CASZ1: variants seen among roughly 807,000 people sequenced by gnomAD.
CASZ1 encodes zinc finger protein castor homolog 1.
CASZ1 carries 28 observed loss-of-function variants against 135.2 expected under a neutral mutation model. The ratio of observed to expected loss-of-function variants is 0.21; its 90% CI spans 0.15 to 0.28. The LOEUF is 0.28. Among genes scored for constraint, CASZ1 ranks in the 10% least tolerant of loss-of-function variants. CASZ1 has a pLI of 1.00. For missense variants in CASZ1, 2,161 were observed against 2,453.3 expected, an observed-to-expected ratio of 0.88 and a Z score of 2.52; for synonymous variants, 1,068 against 1,073.4, an observed-to-expected ratio of 0.99 and a Z score of 0.10.
At chr1:10,796,009 C>T (rs1277483079) in intron 1 of CASZ1, among the ~76,000 whole-genome samples, 8 of 151,654 alleles carry the variant, frequency 5.3e-5, no homozygotes, top group Non-Finnish European at 4.4e-5. Flanking sequence ...CCCCTCACCC[C>T]GCCTCCTTCT....
intron 2 of CASZ1, among the ~76,000 whole-genome samples, chr1:10,729,349 C>T (rs1041338263): frequency 1.3e-5 from 2 of 152,186 alleles, no homozygotes; most frequent in African/African-American, 4.8e-5. Flanking sequence ...CAGGCTGGCA[C>T]TGCGGGGCAG....
chr1:10,653,866 G>A lies in CASZ1; in HGVS notation c.2191C>T (p.Leu731=), dbSNP rs1367667731. The stretch of plus-strand genomic sequence containing the variant: ...CTCAGGCTGGAGTTCTTGCTGCTCA[G>A]GGCGGAGAAGTCAACAAGGTCGTCG... ...SNDDLVDFSA[L]SSKNSSLSAS... Residue 731 remains leucine, a synonymous_variant, in exon 11 of 21, where the codon CTG becomes TTG. Transcript: ENST00000377022. 6.2e-7 allele frequency: 1 copy of A among 1,612,946 alleles called. No individual in the cohort carries two copies.
chr1:10,743,208 C>T (rs570767480), intron 2 of CASZ1, among the ~76,000 whole-genome samples: 59 of 151,956 alleles, frequency 3.9e-4, no homozygotes, highest in East Asian at 3.1e-3. Context: ...GGGCATAAAC[C>T]GGAGAATCCC....
rs777424142 is a variant in CASZ1 at position 10,660,250 on chromosome 1, C to A, written c.792G>T (p.Arg264=). 1.9e-6 allele frequency: 3 copies of A among 1,613,542 alleles called. No homozygotes were observed. The highest frequency in any genetic ancestry group is 2.5e-6 in the Non-Finnish European group (3 of 1,179,874). ...GGGTGCCCACCACCTCCTTGCCCAC[C>A]CGCTCCTCGGTCTTGGTGCTGGGGG... ...WPAPSTKTEE[R]VGKEVVGTLP... is the part of the protein sequence containing the mutation. The change falls in exon 6 of 21, where the codon CGG becomes CGT. Residue 264 remains arginine, a synonymous_variant. Transcript: ENST00000377022.
rs1332660993 is a variant in CASZ1 at position 10,699,111 on chromosome 1, G to T, written c.-23-5199C>A. On this transcript the variant is annotated intron_variant, in intron 3 of 20. Transcript: ENST00000377022. The surrounding 1 kb of genome is among the most constrained non-coding windows in gnomAD (Gnocchi z 4.6). Reference sequence around the variant, plus strand: ...GCCCAGAGGCTGCTTGCTCCAGGGCGTTCTCAGGGGCCCATGAGGCCTGGC... The same window carrying T: ...GCCCAGAGGCTGCTTGCTCCAGGGCTTTCTCAGGGGCCCATGAGGCCTGGC... Among the ~76,000 whole-genome samples the T allele has an allele frequency of 6.6e-6, 1 of 152,166 alleles. No homozygotes were observed. The highest frequency in any genetic ancestry group is 2.1e-4 in the South Asian group (1 of 4,832).
At chr1:10,704,040 C>T (rs915530986) in intron 3 of CASZ1, among the ~76,000 whole-genome samples, 4 of 152,174 alleles carry the variant, frequency 2.6e-5, no homozygotes, top group South Asian at 2.1e-4. Context: ...ACCTCATGGG[C>T]GGAGGTTTCT....
chr1:10,734,604 A>G (rs570188851), intron 2 of CASZ1, among the ~76,000 whole-genome samples: 55 of 152,188 alleles, frequency 3.6e-4, no homozygotes, highest in Non-Finnish European at 6.8e-4. Flanking sequence ...TGGTGTTGGC[A>G]AAATGGGAAT....
In CASZ1 at chr1:10,792,169, A is replaced by AG. The variant is rs200465077; in HGVS notation, c.-234+4394_-234+4395insC. On this transcript the variant is annotated intron_variant, in intron 1 of 20. Coordinates refer to ENST00000377022, the MANE Select transcript of CASZ1 (RefSeq NM_001079843.3). Reference sequence around the variant, plus strand: ...AGGGTGGCAGAAAGAAAGAAAAAAAAAAAAACTCAAGTATTGCCTGTTTTA... The same window carrying AG: ...AGGGTGGCAGAAAGAAAGAAAAAAAAGAAAAACTCAAGTATTGCCTGTTTTA... Among the ~76,000 whole-genome samples, 1,412 of 151,190 alleles carry AG rather than the reference A, an allele frequency of 9.3e-3. 30 individuals are homozygous for AG. The highest frequency in any genetic ancestry group is 0.049 in the East Asian group (248 of 5,106).
At chr1:10,763,425 ACT>A (rs1640415518) in intron 1 of CASZ1, among the ~76,000 whole-genome samples, 1 of 152,256 alleles carries the variant, frequency 6.6e-6, no homozygotes. Context: ...GATGCCTAAG[ACT>A]TCCCTCCTAC....
chr1:10,793,815 C>T (rs948629668), intron 1 of CASZ1, among the ~76,000 whole-genome samples: 1 of 152,140 alleles, frequency 6.6e-6, no homozygotes, highest in African/African-American at 2.4e-5. Flanking sequence ...TCCACTCTGC[C>T]CTGAAGAGGG....
intron 3 of CASZ1, among the ~76,000 whole-genome samples, chr1:10,702,133 C>T (rs903083625): frequency 6.6e-6 from 1 of 152,226 alleles, no homozygotes. Context: ...AGGTCCCAAC[C>T]TAGGTGACAC....
At chr1:10,687,096 C>A (rs565235291) in intron 4 of CASZ1, among the ~76,000 whole-genome samples, 1 of 152,282 alleles carries the variant, frequency 6.6e-6, no homozygotes, top group East Asian at 1.9e-4. Flanking sequence ...CTCTGGGACG[C>A]CTCCTGCTCT....
intron 4 of CASZ1, among the ~76,000 whole-genome samples, chr1:10,677,928 C>T (rs1011225890): frequency 6.6e-5 from 10 of 152,374 alleles, no homozygotes; most frequent in Admixed American, 1.3e-4. Context: ...CCCCGTTCTC[C>T]AGGGGAAGCA....
rs1264325562 is a variant in CASZ1, at chr1:10,794,666, AC to A, written c.-234+1897del. 4.6e-5 allele frequency among the ~76,000 whole-genome samples: 7 copies of A among 152,280 alleles called. No homozygotes were observed. The East Asian group carries it at 5.8e-4, about 13-fold the overall frequency. Reference sequence around the variant, plus strand: ...GGTCCCCTGCCTCCCTCAGCGCTCCACTAGCCTCCCCCAACTCCGGACCCGG... The same window carrying A: ...GGTCCCCTGCCTCCCTCAGCGCTCCATAGCCTCCCCCAACTCCGGACCCGG... On this transcript the variant is annotated intron_variant, in intron 1 of 20. Transcript: ENST00000377022. This position sits in a 1 kb window ranked among gnomAD's most constrained non-coding sequence, Gnocchi z 5.6.
chr1:10,714,319 G>A (rs1043818060), intron 2 of CASZ1, among the ~76,000 whole-genome samples: 3 of 151,938 alleles, frequency 2.0e-5, no homozygotes, highest in African/African-American at 7.3e-5. Context: ...AAGAAAGAAA[G>A]AAAGAAAGAA....
At chr1:10,780,040 C>T (rs1165327507) in intron 1 of CASZ1, among the ~76,000 whole-genome samples, 1 of 152,154 alleles carries the variant, frequency 6.6e-6, no homozygotes, top group Admixed American at 6.5e-5. Flanking sequence ...CCCTTGTGCC[C>T]AGAGAGACAC....
In CASZ1 at chr1:10,727,659, C is replaced by A. The variant is rs1290059275; in HGVS notation, c.-76-22115G>T. On this transcript the variant is annotated intron_variant, in intron 2 of 20. Transcript: ENST00000377022. The surrounding 1 kb of genome is among the most constrained non-coding windows in gnomAD (Gnocchi z 5.3). ...AGGAACTTCTGCCTTCCCACCATGTCCAGGAAGAAAAAGTGTCTGCACCCT... is the reference window on the plus strand; with the variant it reads ...AGGAACTTCTGCCTTCCCACCATGTACAGGAAGAAAAAGTGTCTGCACCCT... 6.6e-6 allele frequency among the ~76,000 whole-genome samples: 1 copy of A among 152,156 alleles called. No homozygotes were observed. The highest frequency in any genetic ancestry group is 1.5e-5 in the Non-Finnish European group (1 of 68,022).
intron 3 of CASZ1, among the ~76,000 whole-genome samples, chr1:10,695,837 G>C (rs1225300092): frequency 6.6e-6 from 1 of 152,138 alleles, no homozygotes; most frequent in Admixed American, 6.5e-5. Flanking sequence ...GGCCCAGAGG[G>C]CCTCAAGGAA....
In CASZ1 at chr1:10,763,859, G is replaced by T. The variant is rs553308426; in HGVS notation, c.-233-3002C>A. 1.1e-3 allele frequency among the ~76,000 whole-genome samples: 174 copies of T among 152,156 alleles called. 3 individuals are homozygous for T. Among genetic ancestry groups the T allele is most frequent in the African/African-American group, 3.9e-3 (163 of 41,518 alleles). On this transcript the variant is annotated intron_variant, in intron 1 of 20. Coordinates refer to ENST00000377022, the MANE Select transcript of CASZ1 (RefSeq NM_001079843.3). Reference sequence around the variant, plus strand: ...TCTTCTCCAACAGAACGCTCCATTCGCTGTTTTCTGTTTTCTTTTTTGAGA... The same window carrying T: ...TCTTCTCCAACAGAACGCTCCATTCTCTGTTTTCTGTTTTCTTTTTTGAGA...
Sources: gnomAD v4.1 joint callset for allele counts (sites outside exome capture counted in the v4.1 genomes callset) on GRCh38, gnomAD v4.1.1 for gene constraint, Gnocchi (gnomAD v3.1) non-coding constraint, MANE v1.5 for transcripts, NCBI Gene and HGNC (gene_info 2026-07-23, HGNC 2026-07-21) for gene names.